Variants in FUBP1 observed in about 807,000 individuals in gnomAD.
The protein encoded by FUBP1 is far upstream element-binding protein 1.
A neutral mutation model predicts 94.9 loss-of-function variants in FUBP1; 16 were observed. The observed-to-expected ratio is 0.17, with a 90% CI of 0.11 to 0.26. The LOEUF (loss-of-function observed/expected upper bound fraction) is 0.26, where lower values mean the gene tolerates loss of function less well. Among genes scored for constraint, FUBP1 ranks in the 10% least tolerant of loss-of-function variants. FUBP1 has a pLI of 1.00. For missense variants in FUBP1, 583 were observed against 808.6 expected (o/e 0.72, Z 3.38); for synonymous variants, 279 against 254.9 (o/e 1.09, Z -0.90).
At chr1:77,956,342 A>G (rs1571256526) in intron 17 of FUBP1, among the ~76,000 whole-genome samples, 2 of 152,366 alleles carry the variant, frequency 1.3e-5, no homozygotes, top group South Asian at 4.1e-4. Flanking sequence ...TAACAGAGTA[A>G]ACAAGGGAAT....
intron 1 of FUBP1, among the ~76,000 whole-genome samples, chr1:77,976,567 C>T (rs1658637756): frequency 6.6e-6 from 1 of 152,056 alleles, no homozygotes; most frequent in Non-Finnish European, 1.5e-5. Context: ...GATCTCCACT[C>T]ACTGCAACCT....
chr1:77,974,066 C>A (rs1285187378), intron 1 of FUBP1, among the ~76,000 whole-genome samples: 2 of 151,942 alleles, frequency 1.3e-5, no homozygotes, highest in Non-Finnish European at 2.9e-5. Flanking sequence ...TTCAAGCAAT[C>A]CTCCCACCTC....
At chr1:77,972,499 C>T (rs1657749479) in intron 1 of FUBP1, among the ~76,000 whole-genome samples, 1 of 150,914 alleles carries the variant, frequency 6.6e-6, no homozygotes, top group Admixed American at 6.6e-5. Context: ...AATCCCAGCA[C>T]TTTGGGAGGC....
chr1:77,973,044 G>C (rs1657887474), intron 1 of FUBP1, among the ~76,000 whole-genome samples: 1 of 148,864 alleles, frequency 6.7e-6, no homozygotes, highest in South Asian at 2.1e-4. Context: ...AAAACAAAAT[G>C]AACTGTAGAT....
At chr1:77,967,535 A>C (rs1656733863) in intron 4 of FUBP1, 92 bp downstream of exon 4, 1 of 887,650 alleles carries the variant, frequency 1.1e-6, no homozygotes, top group Non-Finnish European at 1.8e-6. Flanking sequence ...AAATACACAG[A>C]CACATATTCA....
chr1:77,945,437 T>C lies in FUBP1; in HGVS notation c.*3329A>G, dbSNP rs1374157302. The C allele has an allele frequency of 4.7e-6, 1 of 212,510 alleles. No homozygotes were observed. The allele number at this position is 212,510 out of a possible 1,614,324, so 13.2% of individuals were successfully genotyped here. A position where few individuals can be genotyped will look rare whatever the true frequency, so the allele number is the denominator to read the frequency against. ...TGAAAAGTGATCAAAAGCAGGTACA[T>C]TACACCCTATACCATATTATGTATG... is the stretch of plus-strand genomic sequence containing the variant. On this transcript the variant is annotated 3_prime_UTR_variant, in exon 20 of 20. Transcript: ENST00000370768.
chr1:77,974,549 A>T (rs1658248114), intron 1 of FUBP1, among the ~76,000 whole-genome samples: 1 of 152,202 alleles, frequency 6.6e-6, no homozygotes, highest in Admixed American at 6.5e-5. Context: ...GATTACAGCC[A>T]TGAGCCACCT....
chr1:77,965,324 C>G, intron 7 of FUBP1, 93 bp from the exon 8 acceptor site: 1 of 735,070 alleles, frequency 1.4e-6, no homozygotes, highest in East Asian at 2.6e-5. Flanking sequence ...AGTACTCCTC[C>G]TATCCCAGTT....
At chr1:77,964,442 T>A in intron 10 of FUBP1, 86 bp from the exon 11 acceptor site, 1 of 816,088 alleles carries the variant, frequency 1.2e-6, no homozygotes, top group Non-Finnish European at 1.9e-6. Context: ...CGCCATTTCC[T>A]GAAAATCTGC....
Position 77,948,585 on chromosome 1 carries a change from T to C in FUBP1, c.*181A>G. The C allele has an allele frequency of 7.8e-7, 1 of 1,289,704 alleles. No homozygotes were observed. The highest frequency in any genetic ancestry group is 1.0e-6 in the Non-Finnish European group (1 of 995,300). 79.9% of individuals were successfully genotyped at this position (1,289,704 alleles called of 1,614,324 possible). On this transcript the variant is annotated 3_prime_UTR_variant, in exon 20 of 20. Coordinates refer to ENST00000370768, the MANE Select transcript of FUBP1 (RefSeq NM_003902.5). ...CAATTTTCATTTCTACACAGAAATATTAACCTCCTATCAGTAGTGATAGAT... is the reference window on the plus strand; with the variant it reads ...CAATTTTCATTTCTACACAGAAATACTAACCTCCTATCAGTAGTGATAGAT...
At position 77,949,235 on chromosome 1, in the gene FUBP1, C is replaced by T. The variant is rs2102234015; in HGVS notation, c.1846G>A (p.Ala616Thr). Reference protein sequence around the residue: ...GGQPDYSAAWAEYYRQQAAYY... With the variant: ...GGQPDYSAAWTEYYRQQAAYY... ...GCTGCTTGTTGTCTATAATACTCAG[C>T]CCAGGCTGCACTATAATCTGGCTGA... The change falls in exon 19 of 20, where the codon GCT (alanine) becomes ACT (threonine). Residue 616 changes from alanine to threonine, a missense_variant. By Grantham distance (58) the Ala-to-Thr change is moderately conservative. Transcript: ENST00000370768. 1.2e-6 allele frequency: 2 copies of T among 1,613,374 alleles called. No individual in the cohort carries two copies. Among genetic ancestry groups the T allele is most frequent in the Non-Finnish European group, 1.7e-6 (2 of 1,179,342 alleles).
At position 77,962,691 on chromosome 1, in the gene FUBP1, G is replaced by A; in HGVS notation, c.1344+79C>T. On this transcript the variant is annotated intron_variant, in intron 14 of 19. Coordinates refer to ENST00000370768, the MANE Select transcript of FUBP1 (RefSeq NM_003902.5). The stretch of plus-strand genomic sequence containing the variant: ...GACTAGTAATGATACATTTTCCTTT[G>A]ATGTATTTGAATAAACGTCTTAATT... 5.0e-6 allele frequency: 4 copies of A among 796,012 alleles called. No homozygotes were observed. The South Asian group carries it at 8.6e-5, about 17-fold the overall frequency. The allele number at this position is 796,012 out of a possible 1,614,324, so 49.3% of individuals were successfully genotyped here. A position where few individuals can be genotyped will look rare whatever the true frequency, so the allele number is the denominator to read the frequency against.
At chr1:77,962,638 T>C (rs1655711594) in intron 14 of FUBP1, 132 bp downstream of exon 14, 1 of 547,832 alleles carries the variant, frequency 1.8e-6, no homozygotes, top group Admixed American at 3.4e-5. Flanking sequence ...TTGTATCTAT[T>C]ATACATATCA....
At chr1:77,969,052 GTGTTGTAC>G in intron 2 of FUBP1, 1 of 1,289,036 alleles carries the variant, frequency 7.8e-7, no homozygotes, top group Non-Finnish European at 1.0e-6. Flanking sequence ...CCCTCCCAGT[GTGTTGTAC>G]TGCTCGGACT....
chr1:77,958,452 T>G (rs1654873004), intron 16 of FUBP1, among the ~76,000 whole-genome samples: 1 of 152,208 alleles, frequency 6.6e-6, no homozygotes, highest in African/African-American at 2.4e-5. Context: ...AGACCACTCT[T>G]TTTTTAAAGA....
chr1:77,978,939 A>G lies in FUBP1; in HGVS notation c.66T>C (p.Gly22=), dbSNP rs917464236. 1 of 1,611,300 alleles carries G rather than the reference A, an allele frequency of 6.2e-7. No individual in the cohort carries two copies. The highest frequency in any genetic ancestry group is 8.5e-7 in the Non-Finnish European group (1 of 1,178,766). ...SGSAGGGGGG[G]GGGGVNDAFK... is the part of the protein sequence containing the mutation. ...AAGCGTCGTTAACTCCTCCACCACC[A>G]CCGCCGCCACCACCGCCACCAGCTG... The change falls in exon 1 of 20, where the codon GGT becomes GGC. Residue 22 remains glycine (G), a synonymous_variant. Coordinates refer to ENST00000370768, the MANE Select transcript of FUBP1 (RefSeq NM_003902.5).
upstream of FUBP1, chr1:77,979,361 G>A (rs997880313): frequency 4.0e-6 from 1 of 247,602 alleles, no homozygotes; most frequent in Non-Finnish European, 7.9e-6. Flanking sequence ...ACTGTGTTTG[G>A]GTGGTGGGAA....
rs1651722850 is a variant in FUBP1, at chr1:77,944,365, G to A, written c.*4401C>T. 5.0e-6 allele frequency: 1 copy of A among 199,902 alleles called. No homozygotes were observed. Among genetic ancestry groups the A allele is most frequent in the Non-Finnish European group, 1.0e-5 (1 of 96,634 alleles). The allele number at this position is 199,902 out of a possible 1,614,324, so 12.4% of individuals were successfully genotyped here. On this transcript the variant is annotated 3_prime_UTR_variant, in exon 20 of 20. Coordinates refer to ENST00000370768, the MANE Select transcript of FUBP1 (RefSeq NM_003902.5). ...GCAAATACATTTAAGAGTTTCTATA[G>A]GGGTATCACTGAAGAAAATAAAACC...
chr1:77,978,453 G>A (rs148830703), intron 1 of FUBP1, among the ~76,000 whole-genome samples: 17 of 152,370 alleles, frequency 1.1e-4, no homozygotes, highest in African/African-American at 4.1e-4. Context: ...ACGGAAATGA[G>A]CTGTAAAGGC....
Sources: gnomAD v4.1 joint callset for allele counts (sites outside exome capture counted in the v4.1 genomes callset) on GRCh38, gnomAD v4.1.1 for gene constraint, MANE v1.5 for transcripts, NCBI Gene and HGNC (gene_info 2026-07-23, HGNC 2026-07-21) for gene names.